SUGCT: variants seen among roughly 807,000 people sequenced by gnomAD.
The protein encoded by SUGCT is succinyl-CoA:glutarate-CoA transferase, also known as succinyl-CoA:glutarate CoA-transferase.
In SUGCT, 41 loss-of-function variants were observed where a neutral mutation model predicts 55.0. That is an observed-to-expected ratio of 0.74 (90% confidence interval 0.58 to 0.97). SUGCT has a LOEUF of 0.97. SUGCT is among the 50% of genes least tolerant of loss of function. The pLI is 0.00. For synonymous variants in SUGCT, 187 were observed against 200.4 expected (o/e 0.93, Z 0.56); for missense variants, 568 against 547.8 (o/e 1.04, Z -0.37).
chr7:41,023,712 G>C, the SUGCT span, among the ~76,000 whole-genome samples: 1 of 126,888 alleles, frequency 7.9e-6, no homozygotes, highest in East Asian at 2.8e-4. Flanking sequence ...GCTGTGTAAG[G>C]AGCAAAGGAG....
At chr7:40,363,861 G>C (rs1405432138) in intron 9 of SUGCT, among the ~76,000 whole-genome samples, 1 of 152,040 alleles carries the variant, frequency 6.6e-6, no homozygotes, top group East Asian at 1.9e-4. Context: ...CAATTCCTGG[G>C]TATCCTTGTT....
intron 12 of SUGCT, among the ~76,000 whole-genome samples, chr7:40,702,618 T>TC (rs1422911477): frequency 6.6e-6 from 1 of 152,188 alleles, no homozygotes; most frequent in Non-Finnish European, 1.5e-5. Flanking sequence ...ACTTTAAGCT[T>TC]CTCTGCTTTA....
the SUGCT span, among the ~76,000 whole-genome samples, chr7:41,026,799 C>T: frequency 2.0e-5 from 3 of 151,978 alleles, no homozygotes; most frequent in African/African-American, 7.3e-5. Context: ...TTTGGGAGGC[C>T]GAGGCAGGTA....
At position 40,802,904 on chromosome 7, in the gene SUGCT, G is replaced by A. The variant is rs1354526848; in HGVS notation, c.1153+53407G>A. On this transcript the variant is annotated intron_variant, in intron 13 of 13. Transcript: ENST00000335693. ...TATAAATGACCAGATTTTATTCACCGTTTGTTCCATTTTCTATCACTAGCT... is the reference window on the plus strand; with the variant it reads ...TATAAATGACCAGATTTTATTCACCATTTGTTCCATTTTCTATCACTAGCT... Among the ~76,000 whole-genome samples the A allele has an allele frequency of 4.6e-5, 7 of 152,178 alleles. No homozygotes were observed. The South Asian group carries it at 6.2e-4, about 14-fold the overall frequency.
intron 7 of SUGCT, among the ~76,000 whole-genome samples, chr7:40,240,042 A>G (rs994922097): frequency 6.6e-6 from 1 of 152,072 alleles, no homozygotes; most frequent in Non-Finnish European, 1.5e-5. Flanking sequence ...AGCAGAAAAT[A>G]TTTATTACAT....
At chr7:40,586,443 T>C (rs1233941071) in intron 12 of SUGCT, among the ~76,000 whole-genome samples, 1 of 152,186 alleles carries the variant, frequency 6.6e-6, no homozygotes, top group Admixed American at 6.5e-5. Flanking sequence ...TCTAAGAATG[T>C]GCAGAATGGC....
the SUGCT span, among the ~76,000 whole-genome samples, chr7:41,005,287 C>T: frequency 1.3e-5 from 2 of 152,032 alleles, no homozygotes; most frequent in African/African-American, 4.8e-5. Flanking sequence ...ACAGACCTAT[C>T]GAAGCAAGTC....
intron 9 of SUGCT, among the ~76,000 whole-genome samples, chr7:40,439,411 A>G (rs939286112): frequency 6.6e-5 from 10 of 151,866 alleles, no homozygotes; most frequent in Admixed American, 3.9e-4. Context: ...TCTGTGGCTC[A>G]TTGCTCAGTA....
intron 8 of SUGCT, among the ~76,000 whole-genome samples, chr7:40,292,081 C>G (rs979913099): frequency 3.3e-5 from 5 of 152,170 alleles, no homozygotes; most frequent in African/African-American, 1.2e-4. Flanking sequence ...TAACGGGAAA[C>G]CAATTCACCA....
At chr7:40,215,735 G>A (rs1322452412) in intron 6 of SUGCT, among the ~76,000 whole-genome samples, 3 of 151,970 alleles carry the variant, frequency 2.0e-5, no homozygotes, top group Non-Finnish European at 2.9e-5. Flanking sequence ...GGTGGCGGGC[G>A]CCTGTAGTCC....
chr7:40,642,123 A>C (rs900231935), intron 12 of SUGCT, among the ~76,000 whole-genome samples: 8 of 152,362 alleles, frequency 5.3e-5, no homozygotes, highest in Middle Eastern at 3.4e-3. Context: ...TGGCTTGCCA[A>C]CGTCTGATGA....
intron 12 of SUGCT, among the ~76,000 whole-genome samples, chr7:40,741,186 G>A (rs1240471883): frequency 2.0e-5 from 3 of 151,648 alleles, no homozygotes; most frequent in East Asian, 1.9e-4. Flanking sequence ...GCTGAGGCAC[G>A]AGAATTGCCT....
chr7:40,202,694 G>T (rs929986902), intron 6 of SUGCT, among the ~76,000 whole-genome samples: 7 of 152,014 alleles, frequency 4.6e-5, no homozygotes, highest in African/African-American at 1.7e-4. Flanking sequence ...TCTCTTTATG[G>T]GGAGTTTTGT....
intron 12 of SUGCT, among the ~76,000 whole-genome samples, chr7:40,678,728 C>G (rs1466434866): frequency 6.6e-6 from 1 of 152,106 alleles, no homozygotes; most frequent in African/African-American, 2.4e-5. Flanking sequence ...GGAACTGTAA[C>G]ATTTTGAATA....
At chr7:40,695,084 A>G (rs1283792744) in intron 12 of SUGCT, among the ~76,000 whole-genome samples, 2 of 152,154 alleles carry the variant, frequency 1.3e-5, no homozygotes, top group African/African-American at 2.4e-5. Flanking sequence ...CAAATAGCCC[A>G]GATACTGAAT....
chr7:40,881,904 A>G, the SUGCT span, among the ~76,000 whole-genome samples: 2 of 152,234 alleles, frequency 1.3e-5, no homozygotes, highest in Non-Finnish European at 2.9e-5. Context: ...GGACTAGGGT[A>G]GTAAAAATGC....
chr7:40,191,830 C>T (rs912843520), intron 5 of SUGCT, among the ~76,000 whole-genome samples: 2 of 152,138 alleles, frequency 1.3e-5, no homozygotes, highest in African/African-American at 4.8e-5. Flanking sequence ...GCAAAAAATG[C>T]CAGGCATGGT....
intron 13 of SUGCT, among the ~76,000 whole-genome samples, chr7:40,771,473 C>T (rs1269482681): frequency 6.6e-6 from 1 of 151,996 alleles, no homozygotes; most frequent in East Asian, 1.9e-4. Context: ...CTTAACAATG[C>T]CATGAGGTTG....
chr7:40,420,646 G>A (rs560163029), intron 9 of SUGCT, among the ~76,000 whole-genome samples: 14 of 152,030 alleles, frequency 9.2e-5, no homozygotes, highest in Non-Finnish European at 5.9e-5. Flanking sequence ...GCCAGGAAGA[G>A]TGTGTGTTTT....
Sources: gnomAD v4.1 joint callset for allele counts (sites outside exome capture counted in the v4.1 genomes callset) on GRCh38, gnomAD v4.1.1 for gene constraint, MANE v1.5 for transcripts, NCBI Gene and HGNC (gene_info 2026-07-23, HGNC 2026-07-21) for gene names.